Variants in ARID2 observed in about 807,000 individuals in gnomAD.
ARID2 encodes AT-rich interaction domain 2, also known as AT-rich interactive domain-containing protein 2.
ARID2 carries 32 observed loss-of-function variants against 184.6 expected under a neutral mutation model. The observed-to-expected ratio is 0.17, with a 90% CI of 0.13 to 0.23. ARID2 has a LOEUF of 0.23. Ranked by LOEUF, ARID2 falls within the 10% of genes least tolerant of loss-of-function variation. The pLI, the probability that ARID2 is intolerant of heterozygous loss-of-function variation, is 1.00. For missense variants in ARID2, 1,696 were observed against 2,197.6 expected, an observed-to-expected ratio of 0.77 and a Z score of 4.56; for synonymous variants, 836 against 772.6, an observed-to-expected ratio of 1.08 and a Z score of -1.36.
At chr12:45,845,330 A>G (rs952424198) in intron 11 of ARID2, among the ~76,000 whole-genome samples, 2 of 152,186 alleles carry the variant, frequency 1.3e-5, no homozygotes, top group Non-Finnish European at 2.9e-5. Context: ...GAAGGGGAAG[A>G]AAAGATAAGC....
intron 20 of ARID2, among the ~76,000 whole-genome samples, chr12:45,896,402 CAT>C (rs1476946719): frequency 6.6e-6 from 1 of 152,162 alleles, no homozygotes; most frequent in Non-Finnish European, 1.5e-5. Flanking sequence ...TGAATTCCCA[CAT>C]GTTGTGGGAG....
chr12:45,777,370 CTAAT>C (rs1239555112), intron 3 of ARID2, among the ~76,000 whole-genome samples: 1 of 152,030 alleles, frequency 6.6e-6, no homozygotes, highest in Non-Finnish European at 1.5e-5. Context: ...TATTAATGCT[CTAAT>C]TAATGTGTTC....
chr12:45,731,410 C>G (rs1940995812), intron 3 of ARID2, 96 bp downstream of exon 3: 2 of 807,822 alleles, frequency 2.5e-6, no homozygotes, highest in Non-Finnish European at 4.2e-6. Context: ...GCACACCAAA[C>G]AGTTCTTAAG....
Position 45,852,217 on chromosome 12 carries a change from A to T in ARID2, c.4094A>T (p.Asp1365Val), listed in dbSNP as rs769337847. Residue 1365 changes from aspartate to valine, a missense_variant, in exon 15 of 21, where the codon GAT becomes GTT. Asp to Val is a radical substitution (Grantham distance 152). Around this residue, in one of 11 missense-constraint regions of ARID2, gnomAD observed 428 missense variants for 409.1 expected, o/e 1.05. Transcript: ENST00000334344. ...CTAGTTAATGGAATCTGTGATTTTGATAAAGGAGATGGTTCTCATTTAAGC... is the reference window on the plus strand; with the variant it reads ...CTAGTTAATGGAATCTGTGATTTTGTTAAAGGAGATGGTTCTCATTTAAGC... ...KPLVNGICDF[D>V]KGDGSHLSKN... The T allele has an allele frequency of 6.2e-7, 1 of 1,614,140 alleles. No individual in the cohort carries two copies. The highest frequency in any genetic ancestry group is 1.1e-5 in the South Asian group (1 of 91,086).
intron 3 of ARID2, among the ~76,000 whole-genome samples, chr12:45,754,532 C>G (rs1941526197): frequency 6.6e-6 from 1 of 152,202 alleles, no homozygotes; most frequent in Non-Finnish European, 1.5e-5. Flanking sequence ...TGCCATTTTC[C>G]CTGTCTGGAA....
intron 6 of ARID2, among the ~76,000 whole-genome samples, chr12:45,822,623 T>G (rs182905540): frequency 3.3e-3 from 501 of 152,300 alleles, no homozygotes; most frequent in African/African-American, 0.012. Context: ...TTTTTTATTT[T>G]CATTTATTTA....
At chr12:45,791,978 A>G (rs1942300992) in intron 3 of ARID2, among the ~76,000 whole-genome samples, 3 of 152,230 alleles carry the variant, frequency 2.0e-5, no homozygotes, top group African/African-American at 7.2e-5. Context: ...TTCCACCCCC[A>G]TCAGTCTCAC....
chr12:45,842,811 A>G (rs1393567937), intron 11 of ARID2, among the ~76,000 whole-genome samples: 1 of 152,076 alleles, frequency 6.6e-6, no homozygotes, highest in Non-Finnish European at 1.5e-5. Context: ...TCTTAATAAG[A>G]TGAATAGGAC....
intron 15 of ARID2, among the ~76,000 whole-genome samples, chr12:45,859,523 G>C (rs966453195): frequency 6.6e-6 from 1 of 152,052 alleles, no homozygotes; most frequent in African/African-American, 2.4e-5. Context: ...TTAATTTACT[G>C]CCTTTAAGCA....
chr12:45,866,434 A>T (rs1219079545), intron 16 of ARID2, among the ~76,000 whole-genome samples: 1 of 152,168 alleles, frequency 6.6e-6, no homozygotes, highest in Non-Finnish European at 1.5e-5. Context: ...GTGGTGAATA[A>T]TTTCGTTTCC....
intron 16 of ARID2, among the ~76,000 whole-genome samples, chr12:45,861,757 G>GT (rs1334822405): frequency 4.7e-4 from 69 of 145,494 alleles, no homozygotes; most frequent in African/African-American, 7.3e-4. Context: ...GCTAATTTTT[G>GT]TTTTTTTTTT....
At chr12:45,805,992 C>CTGTT (rs571102785) in intron 3 of ARID2, among the ~76,000 whole-genome samples, 2 of 152,010 alleles carry the variant, frequency 1.3e-5, no homozygotes, top group Non-Finnish European at 2.9e-5. Context: ...ATCTATCAGA[C>CTGTT]TGTTTGTTTG....
intron 16 of ARID2, among the ~76,000 whole-genome samples, chr12:45,890,962 C>T (rs550024906): frequency 2.0e-5 from 3 of 152,072 alleles, no homozygotes; most frequent in South Asian, 2.1e-4. Flanking sequence ...GTCAGGAATT[C>T]GAGACCAGCC....
intron 20 of ARID2, chr12:45,894,002 A>C: frequency 4.3e-6 from 1 of 230,998 alleles, no homozygotes; most frequent in Non-Finnish European, 8.3e-6. Flanking sequence ...ACTAAAGAGG[A>C]AACTTAGGAG....
chr12:45,835,803 G>T (rs2138123367), intron 6 of ARID2, among the ~76,000 whole-genome samples: 1 of 152,222 alleles, frequency 6.6e-6, no homozygotes, highest in East Asian at 1.9e-4. Flanking sequence ...GGGAGGCTGA[G>T]GTAGGGGAAT....
At chr12:45,862,347 A>C (rs1005015178) in intron 16 of ARID2, among the ~76,000 whole-genome samples, 1 of 152,144 alleles carries the variant, frequency 6.6e-6, no homozygotes, top group African/African-American at 2.4e-5. Context: ...TGTTTCCTTC[A>C]TTCATTGAAG....
chr12:45,800,128 G>A lies in ARID2; in HGVS notation c.285-11290G>A, dbSNP rs144930157. Among the ~76,000 whole-genome samples, 418 of 152,294 alleles carry A rather than the reference G, an allele frequency of 2.7e-3. 3 individuals carry two copies. The highest frequency in any genetic ancestry group is 9.5e-3 in the African/African-American group (393 of 41,566). On this transcript the variant is annotated intron_variant, in intron 3 of 20. Transcript: ENST00000334344. ...GCTTCCCAAAGTGATGGGATTACAGGTGTGAGCCTCTGTGCCCAGAAAATT... is the reference window on the plus strand; with the variant it reads ...GCTTCCCAAAGTGATGGGATTACAGATGTGAGCCTCTGTGCCCAGAAAATT...
intron 20 of ARID2, among the ~76,000 whole-genome samples, chr12:45,903,132 A>G (rs897472205): frequency 2.0e-5 from 3 of 152,180 alleles, no homozygotes; most frequent in Non-Finnish European, 2.9e-5. Context: ...TGAACTTTCT[A>G]TATGTGAAAT....
chr12:45,868,633 A>G (rs530679531), intron 16 of ARID2, among the ~76,000 whole-genome samples: 152 of 152,210 alleles, frequency 1.0e-3, no homozygotes, highest in African/African-American at 3.5e-3. Flanking sequence ...TTACTTTTTG[A>G]TTAATTTGTA....
Sources: allele counts gnomAD v4.1 joint callset (sites outside exome capture counted in the v4.1 genomes callset), GRCh38; gene constraint gnomAD v4.1.1; regional missense constraint gnomAD v4.1.1; transcripts MANE v1.5; gene names NCBI Gene and HGNC (gene_info 2026-07-23, HGNC 2026-07-21).